Variants in CSMD2 observed in about 807,000 individuals in gnomAD.
CSMD2 encodes CUB and sushi domain-containing protein 2.
A neutral mutation model predicts 398.5 loss-of-function variants in CSMD2; 130 were observed. The ratio of observed to expected loss-of-function variants is 0.33; its 90% CI spans 0.28 to 0.38. The LOEUF is 0.38. Among genes scored for constraint, CSMD2 ranks in the 10% least tolerant of loss-of-function variants. The pLI, the probability that CSMD2 is intolerant of heterozygous loss-of-function variation, is 1.00. For synonymous variants in CSMD2, 1,828 were observed against 1,908.5 expected (o/e 0.96, Z 1.10); for missense variants, 3,829 against 4,764.9 (o/e 0.80, Z 5.78).
In CSMD2 at chr1:34,164,861, T is replaced by C; in HGVS notation, c.187+50A>G. 9.0e-7 allele frequency: 1 copy of C among 1,115,434 alleles called. No individual in the cohort carries two copies. Among genetic ancestry groups the C allele is most frequent in the Non-Finnish European group, 1.1e-6 (1 of 916,450 alleles). 69.1% of individuals were successfully genotyped at this position (1,115,434 alleles called of 1,614,324 possible). On this transcript the variant is annotated intron_variant, in intron 1 of 70. Transcript: ENST00000373381. The surrounding 1 kb of genome is among the most constrained non-coding windows in gnomAD (Gnocchi z 6.2). ...GGTCGAGGATGGGTGGGCTCGGGGCTCGGGTGGGGCGCGCGGCGGCCGCTG... is the reference window on the plus strand; with the variant it reads ...GGTCGAGGATGGGTGGGCTCGGGGCCCGGGTGGGGCGCGCGGCGGCCGCTG...
chr1:33,810,841 G>A lies in CSMD2; in HGVS notation c.1348C>T (p.Arg450Ter), dbSNP rs775939532. 4 of 1,612,616 alleles carry A rather than the reference G, an allele frequency of 2.5e-6. No individual in the cohort carries two copies. Among genetic ancestry groups the A allele is most frequent in the Non-Finnish European group, 3.4e-6 (4 of 1,179,430 alleles). ...GAGGTGATGATGCCCGAGGGGCCTC[G>A]AAGGTGGGCATCACACATGCGGGCT... The part of the protein sequence containing the change: ...CRARMCDAHL[R>*]GPSGIITSPN... Residue 450 changes from arginine to a stop codon, truncating the protein, a stop_gained, in exon 10 of 71, where the codon CGA (arginine) becomes TGA (stop). Coordinates refer to ENST00000373381, the MANE Select transcript of CSMD2 (RefSeq NM_001281956.2). LOFTEE classifies it high-confidence loss of function.
chr1:33,599,836 C>T (rs10914750), intron 44 of CSMD2: 57,994 of 283,824 alleles, frequency 0.2, 7,604 homozygotes, highest in African/African-American at 0.43. Context: ...TCTGTTGCTT[C>T]CTGTTTCTTT....
At chr1:33,915,113 T>C (rs1037221444) in intron 5 of CSMD2, among the ~76,000 whole-genome samples, 2 of 152,152 alleles carry the variant, frequency 1.3e-5, no homozygotes, top group South Asian at 4.1e-4. Flanking sequence ...ATTTTTTTTT[T>C]CTCTCAAAGG....
chr1:33,694,053 C>T (rs370144082), intron 24 of CSMD2, among the ~76,000 whole-genome samples: 2 of 152,080 alleles, frequency 1.3e-5, no homozygotes, highest in African/African-American at 4.8e-5. Flanking sequence ...ATGCGAAACT[C>T]CATCTCAAAA....
chr1:33,812,200 C>T (rs2124967080), intron 9 of CSMD2, among the ~76,000 whole-genome samples: 1 of 152,264 alleles, frequency 6.6e-6, no homozygotes, highest in Admixed American at 6.5e-5. Flanking sequence ...TCTGACATAG[C>T]CCCTCCTCTC....
At chr1:34,119,207 T>C (rs1391380851) in intron 1 of CSMD2, among the ~76,000 whole-genome samples, 1 of 152,162 alleles carries the variant, frequency 6.6e-6, no homozygotes, top group Non-Finnish European at 1.5e-5. Context: ...TTGGGAAAAC[T>C]GGATATCTAC....
At chr1:33,890,547 AT>A (rs893193467) in intron 5 of CSMD2, among the ~76,000 whole-genome samples, 23 of 151,498 alleles carry the variant, frequency 1.5e-4, no homozygotes, top group African/African-American at 4.1e-4. Flanking sequence ...TTAAAATTAA[AT>A]TTTTTTTTGT....
intron 22 of CSMD2, among the ~76,000 whole-genome samples, chr1:33,706,742 C>G (rs1026532128): frequency 6.6e-6 from 1 of 152,058 alleles, no homozygotes; most frequent in African/African-American, 2.4e-5. Flanking sequence ...GTAGCAGGAG[C>G]ATTTCCTACC....
chr1:33,627,529 A>C (rs991950152), intron 32 of CSMD2, among the ~76,000 whole-genome samples: 7 of 152,134 alleles, frequency 4.6e-5, no homozygotes, highest in Admixed American at 4.6e-4. Flanking sequence ...ACCAGGCTCT[A>C]TCTCCACTAC....
intron 3 of CSMD2, among the ~76,000 whole-genome samples, chr1:33,956,046 C>G (rs556543041): frequency 2.3e-4 from 35 of 152,266 alleles, no homozygotes; most frequent in African/African-American, 8.2e-4. Context: ...GATCTGAGTT[C>G]AAACCTGGCT....
chr1:34,069,570 G>C (rs922365483), intron 2 of CSMD2, among the ~76,000 whole-genome samples: 1 of 152,178 alleles, frequency 6.6e-6, no homozygotes, highest in Admixed American at 6.5e-5. Flanking sequence ...AGGAGTGCCT[G>C]ACTTTAAAGC....
rs555494031 is a variant in CSMD2 at position 34,150,929 on chromosome 1, T to C, written c.187+13982A>G. 5.3e-5 allele frequency among the ~76,000 whole-genome samples: 8 copies of C among 151,652 alleles called. No homozygotes were observed. The South Asian group carries it at 1.7e-3, about 32-fold the overall frequency. On this transcript the variant is annotated intron_variant, in intron 1 of 70. Transcript: ENST00000373381. ...ATCAAGACTCTGCCTATAAAAAAGA[T>C]AAAAATAAAAACTAAGGGACAGCTT...
chr1:33,975,668 A>T (rs1420301415), intron 3 of CSMD2, among the ~76,000 whole-genome samples: 2 of 151,854 alleles, frequency 1.3e-5, no homozygotes, highest in Admixed American at 1.3e-4. Flanking sequence ...AGGAACCACC[A>T]GGGGGGAGGG....
intron 6 of CSMD2, among the ~76,000 whole-genome samples, chr1:33,843,482 T>C (rs1302820180): frequency 1.3e-5 from 2 of 152,238 alleles, no homozygotes; most frequent in Non-Finnish European, 2.9e-5. Context: ...TGAAGTGCCA[T>C]AAATCACTTA....
intron 12 of CSMD2, among the ~76,000 whole-genome samples, chr1:33,781,121 A>T (rs796496325): frequency 2.0e-5 from 3 of 152,194 alleles, no homozygotes; most frequent in South Asian, 4.1e-4. Context: ...CACTGCCTGC[A>T]GAGAGCAAGT....
chr1:33,950,526 T>A (rs1293359200), intron 3 of CSMD2, among the ~76,000 whole-genome samples: 1 of 150,706 alleles, frequency 6.6e-6, no homozygotes, highest in Non-Finnish European at 1.5e-5. Flanking sequence ...TGTGGGTATG[T>A]GGGTATGTGC....
chr1:33,539,938 A>G (rs1186752328), intron 60 of CSMD2, among the ~76,000 whole-genome samples: 3 of 152,200 alleles, frequency 2.0e-5, no homozygotes, highest in African/African-American at 7.2e-5. Context: ...ATAAATGGCA[A>G]TTAGAAAAAT....
intron 17 of CSMD2, 72 bp from the exon 18 acceptor site, chr1:33,724,776 G>A (rs987743609): frequency 7.3e-7 from 1 of 1,365,506 alleles, no homozygotes; most frequent in Non-Finnish European, 1.0e-6. Context: ...TGACTCCAAA[G>A]AGTAAGAAGA....
intron 5 of CSMD2, among the ~76,000 whole-genome samples, chr1:33,888,592 T>A (rs1641755886): frequency 6.6e-6 from 1 of 152,162 alleles, no homozygotes; most frequent in African/African-American, 2.4e-5. Flanking sequence ...CGTACAAAAA[T>A]ATAATTCACA....
Sources: gnomAD v4.1 joint callset for allele counts (sites outside exome capture counted in the v4.1 genomes callset) on GRCh38, gnomAD v4.1.1 for gene constraint, Gnocchi (gnomAD v3.1) non-coding constraint, MANE v1.5 for transcripts, NCBI Gene and HGNC (gene_info 2026-07-23, HGNC 2026-07-21) for gene names.